Variants in IQSEC3 observed in about 807,000 individuals in gnomAD.
IQSEC3 encodes IQ motif and Sec7 domain ArfGEF 3.
In IQSEC3, 50 loss-of-function variants were observed where a neutral mutation model predicts 105.4. The observed-to-expected ratio is 0.47, with a 90% CI of 0.38 to 0.60. The LOEUF (loss-of-function observed/expected upper bound fraction) is 0.60, where lower values mean the gene tolerates loss of function less well. IQSEC3 is among the 20% of genes least tolerant of loss of function. IQSEC3 has a pLI of 0.00. For missense variants in IQSEC3, 1,415 were observed against 1,630.0 expected, an observed-to-expected ratio of 0.87 and a Z score of 2.27; for synonymous variants, 708 against 746.0, an observed-to-expected ratio of 0.95 and a Z score of 0.83.
rs1939298261 is a variant in IQSEC3, at chr12:178,262, T to TACATAACTCCTGCTGC, written c.*3232_*3247dup. 6.6e-6 allele frequency: 1 copy of TACATAACTCCTGCTGC among 152,078 alleles called. No individual in the cohort carries two copies. Among genetic ancestry groups the TACATAACTCCTGCTGC allele is most frequent in the African/African-American group, 2.4e-5 (1 of 41,398 alleles). The allele number at this position is 152,078 out of a possible 1,614,324, so 9.4% of individuals were successfully genotyped here. A position where few individuals can be genotyped will look rare whatever the true frequency, so the allele number is the denominator to read the frequency against. On this transcript the variant is annotated 3_prime_UTR_variant, in exon 14 of 14. Coordinates refer to ENST00000538872, the MANE Select transcript of IQSEC3 (RefSeq NM_001170738.2). ...TGTCTGTCCGTCCCTGTTTTTGCTG[T>TACATAACTCCTGCTGC]ACATAACTCCTGCTGCACCCTCTCC...
intron 1 of IQSEC3, among the ~76,000 whole-genome samples, chr12:76,159 G>A (rs114576040): frequency 0.016 from 2,430 of 151,820 alleles, 37 homozygotes; most frequent in African/African-American, 0.045. Context: ...AGTGAGAAAC[G>A]GGCAATGGGC....
intron 1 of IQSEC3, among the ~76,000 whole-genome samples, chr12:87,988 A>T (rs532234248): frequency 1.5e-4 from 23 of 152,330 alleles, no homozygotes; most frequent in Admixed American, 1.4e-3. Flanking sequence ...CGAAAGGAGG[A>T]CTATGGCGGG....
intron 3 of IQSEC3, among the ~76,000 whole-genome samples, chr12:129,326 C>T (rs1224559684): frequency 6.6e-6 from 1 of 152,208 alleles, no homozygotes; most frequent in Non-Finnish European, 1.5e-5. Flanking sequence ...GCACCTTGCA[C>T]AGTCTTGGGC....
intron 8 of IQSEC3, 97 bp downstream of exon 8, chr12:162,162 T>C (rs1235978918): frequency 1.4e-5 from 18 of 1,326,960 alleles, no homozygotes; most frequent in African/African-American, 1.5e-5. Flanking sequence ...AAACTCTTTT[T>C]TCATATTCAT....
At chr12:126,949 T>C (rs12581847) in intron 3 of IQSEC3, among the ~76,000 whole-genome samples, 24,176 of 152,126 alleles carry the variant, frequency 0.16, 2,220 homozygotes, top group Non-Finnish European at 0.2. Context: ...AGGCAGCACA[T>C]CAGTAAAGTG....
chr12:71,258 C>T (rs1555067440), intron 1 of IQSEC3, among the ~76,000 whole-genome samples: 1 of 152,258 alleles, frequency 6.6e-6, no homozygotes, highest in African/African-American at 2.4e-5. Flanking sequence ...CATGACTGGC[C>T]CATCCTGGAA....
intron 2 of IQSEC3, among the ~76,000 whole-genome samples, chr12:102,319 C>T (rs1436609182): frequency 6.6e-6 from 1 of 152,160 alleles, no homozygotes; most frequent in Non-Finnish European, 1.5e-5. Context: ...CATAGGAGAC[C>T]CCAGTAAGGA....
chr12:106,757 G>A (rs1864667605), intron 2 of IQSEC3: 1 of 152,154 alleles, frequency 6.6e-6, no homozygotes, highest in Non-Finnish European at 1.5e-5. Flanking sequence ...AACCTTTGTA[G>A]GCGTAGAGAT....
intron 5 of IQSEC3, among the ~76,000 whole-genome samples, chr12:145,192 G>A (rs1866210966): frequency 6.6e-6 from 1 of 152,230 alleles, no homozygotes. Flanking sequence ...GCTGGTAAGA[G>A]TACCTGTCTC....
intron 13 of IQSEC3, chr12:171,434 G>A: frequency 3.0e-6 from 3 of 985,102 alleles, no homozygotes; most frequent in Non-Finnish European, 4.6e-6. Flanking sequence ...TGGAGACGGA[G>A]CTCACGGCAC....
chr12:107,139 T>C (rs1459160690), intron 2 of IQSEC3, among the ~76,000 whole-genome samples: 1 of 152,202 alleles, frequency 6.6e-6, no homozygotes, highest in East Asian at 1.9e-4. Flanking sequence ...CCATAATTCC[T>C]TTAGCACCCT....
rs1866917985 is a variant in IQSEC3 at position 162,080 on chromosome 12, G to A, written c.2583+15G>A. ...GCATGAAGACAGTGAGTGTCCACAA[G>A]CTACCTATCTCCCGTCTCCTTTCCT... On this transcript the variant is annotated intron_variant, in intron 8 of 13. Coordinates refer to ENST00000538872, the MANE Select transcript of IQSEC3 (RefSeq NM_001170738.2). 1 of 1,613,004 alleles carries A rather than the reference G, an allele frequency of 6.2e-7. No individual in the cohort carries two copies. The highest frequency in any genetic ancestry group is 1.3e-5 in the African/African-American group (1 of 75,030).
chr12:73,032 C>T (rs1297224565), intron 1 of IQSEC3, among the ~76,000 whole-genome samples: 7 of 133,528 alleles, frequency 5.2e-5, no homozygotes, highest in Non-Finnish European at 7.8e-5. Flanking sequence ...GGTGACAGAG[C>T]GACACTCTGC....
chr12:153,048 A>G (rs1375087152), intron 5 of IQSEC3, among the ~76,000 whole-genome samples: 2 of 152,076 alleles, frequency 1.3e-5, no homozygotes, highest in African/African-American at 4.8e-5. Context: ...GCTGGTAGAC[A>G]CTGCAAAATA....
In IQSEC3 at chr12:178,185, C is replaced by T. The variant is rs1939295036; in HGVS notation, c.*3152C>T. 6.8e-6 allele frequency: 1 copy of T among 147,676 alleles called. No homozygotes were observed. The highest frequency in any genetic ancestry group is 1.5e-5 in the Non-Finnish European group (1 of 68,052). 9.1% of individuals were successfully genotyped at this position (147,676 alleles called of 1,614,324 possible). A position where few individuals can be genotyped will look rare whatever the true frequency, so the allele number is the denominator to read the frequency against. ...TTCGAGCCCCTGTGCCACCGGTCCCCACGGCCCGCCAGGAGTCTCTTTGTA... is the reference window on the plus strand; with the variant it reads ...TTCGAGCCCCTGTGCCACCGGTCCCTACGGCCCGCCAGGAGTCTCTTTGTA... On this transcript the variant is annotated 3_prime_UTR_variant, in exon 14 of 14. Transcript: ENST00000538872.
intron 11 of IQSEC3, 105 bp downstream of exon 11, chr12:165,995 C>T (rs114336251): frequency 0.025 from 32,545 of 1,327,680 alleles, 461 homozygotes; most frequent in Non-Finnish European, 0.028. Flanking sequence ...GGCCCCACTT[C>T]GGACCCTCCC....
At chr12:70,421 A>G (rs1456227716) in intron 1 of IQSEC3, among the ~76,000 whole-genome samples, 4 of 152,294 alleles carry the variant, frequency 2.6e-5, no homozygotes, top group Non-Finnish European at 5.9e-5. Flanking sequence ...GAGTGAATGC[A>G]GAGATATTAT....
Position 68,501 on chromosome 12 carries a change from A to C in IQSEC3, c.554+1065A>C, listed in dbSNP as rs1555066631. ...TCCATGAACTAGGAATATGGGAAGAAGATATGAAAGTGTCTGGGATGTTCT... is the reference window on the plus strand; with the variant it reads ...TCCATGAACTAGGAATATGGGAAGACGATATGAAAGTGTCTGGGATGTTCT... On this transcript the variant is annotated intron_variant, in intron 1 of 13. Coordinates refer to ENST00000538872, the MANE Select transcript of IQSEC3 (RefSeq NM_001170738.2). Among the ~76,000 whole-genome samples, 4 of 152,198 alleles carry C rather than the reference A, an allele frequency of 2.6e-5. No homozygotes were observed. The East Asian group carries it at 7.7e-4, about 29-fold the overall frequency.
intron 1 of IQSEC3, among the ~76,000 whole-genome samples, chr12:72,135 C>T (rs1255159468): frequency 6.6e-6 from 1 of 152,394 alleles, no homozygotes; most frequent in South Asian, 2.1e-4. Flanking sequence ...CTCCCCAGAC[C>T]AATGCAGTGA....
Sources: gnomAD v4.1 joint callset for allele counts (sites outside exome capture counted in the v4.1 genomes callset) on GRCh38, gnomAD v4.1.1 for gene constraint, MANE v1.5 for transcripts, NCBI Gene and HGNC (gene_info 2026-07-23, HGNC 2026-07-21) for gene names.